WDR86: variants seen among roughly 807,000 people sequenced by gnomAD.
WDR86 encodes WD repeat domain 86, also known as WD repeat-containing protein 86.
WDR86 carries 30 observed loss-of-function variants against 36.5 expected under a neutral mutation model. The ratio of observed to expected loss-of-function variants is 0.82; its 90% CI spans 0.61 to 1.11. WDR86 has a LOEUF of 1.11. Among genes scored for constraint, WDR86 ranks in the 50% most tolerant of loss-of-function variants. WDR86 has a pLI of 0.00. For missense variants in WDR86, 545 were observed against 561.2 expected (o/e 0.97, Z 0.29); for synonymous variants, 255 against 252.9 (o/e 1.01, Z -0.08).
intron 1 of WDR86, among the ~76,000 whole-genome samples, 157 bp from the exon 2 acceptor site, chr7:151,400,398 T>G (rs568906667): frequency 6.6e-6 from 1 of 152,244 alleles, no homozygotes; most frequent in Non-Finnish European, 1.5e-5. Flanking sequence ...GTTTTGTTTT[T>G]TTGAGACAGA....
chr7:151,402,091 A>ATCTC (rs1554425409), intron 1 of WDR86, among the ~76,000 whole-genome samples: 48 of 124,162 alleles, frequency 3.9e-4, no homozygotes, highest in African/African-American at 1.2e-3. Context: ...ATATATATAT[A>ATCTC]TCTCCACAAA....
At position 151,381,701 on chromosome 7, in the gene WDR86, G is replaced by A. The variant is rs148787983; in HGVS notation, c.1012C>T (p.Arg338Cys). The A allele has an allele frequency of 1.0e-3, 1,498 of 1,489,306 alleles. 1 individual carries two copies. The highest frequency in any genetic ancestry group is 1.3e-3 in the Non-Finnish European group (1,429 of 1,126,626). 92.3% of individuals were successfully genotyped at this position (1,489,306 alleles called of 1,614,324 possible). ...CGGAGCCCGCGCACGTCCCAGAGGC[G>A]CAGGGCGCCGTCGTGCGAGGCGGTG... is the stretch of plus-strand genomic sequence containing the variant. The part of the protein sequence containing the change: ...LYTASHDGAL[R>C]LWDVRGLRGA... Residue 338 changes from arginine (R) to cysteine (C), a missense_variant, in exon 6 of 6, where the codon CGC becomes TGC. Arg to Cys is a radical substitution (Grantham distance 180, BLOSUM62 -3). Transcript: ENST00000334493. The surrounding 1 kb of genome is among the most constrained non-coding windows in gnomAD (Gnocchi z 4.8).
intron 1 of WDR86, among the ~76,000 whole-genome samples, chr7:151,402,058 AAAAAAAAAAAAAAT>A (rs1800347038): frequency 2.5e-5 from 2 of 80,882 alleles, no homozygotes; most frequent in African/African-American, 6.0e-5. Context: ...AAAAAAAAAA[AAAAAAAAAAAAAAT>A]ATATATATAT....
At chr7:151,376,493 A>G (rs1305064537), downstream of WDR86, 1 of 809,564 alleles carries the variant, frequency 1.2e-6, no homozygotes, top group African/African-American at 1.7e-5. Flanking sequence ...ATTGCACAGA[A>G]GCATGACTTG....
chr7:151,402,070 A>AAAAATATATATAT, intron 1 of WDR86, among the ~76,000 whole-genome samples: 51 of 50,508 alleles, frequency 1.0e-3, no homozygotes, highest in Non-Finnish European at 1.3e-3. Context: ...AAAAAAAAAA[A>AAAAATATATATAT]ATATATATAT....
intron 3 of WDR86, among the ~76,000 whole-genome samples, chr7:151,389,837 A>G (rs1048736434): frequency 1.3e-5 from 2 of 152,238 alleles, no homozygotes; most frequent in Admixed American, 1.3e-4. Flanking sequence ...TGCCGAGAGC[A>G]GAGAAAAGCA....
the WDR86 span, among the ~76,000 whole-genome samples, chr7:151,369,686 A>C: frequency 6.6e-6 from 1 of 152,226 alleles, no homozygotes; most frequent in South Asian, 2.1e-4. Flanking sequence ...GTCATGGTGG[A>C]ATATTAGCAG....
chr7:151,376,352 G>T (rs1020916422), downstream of WDR86: 13 of 491,366 alleles, frequency 2.6e-5, no homozygotes, highest in Non-Finnish European at 4.4e-5. Flanking sequence ...CACTGACCTC[G>T]CGGTGCTCGT....
downstream of WDR86, chr7:151,376,583 G>A: frequency 6.6e-7 from 1 of 1,517,540 alleles, no homozygotes; most frequent in Non-Finnish European, 8.9e-7. Context: ...TGACGGGGGT[G>A]GCAGAAGAGG....
chr7:151,396,790 C>A (rs572075950), intron 2 of WDR86, among the ~76,000 whole-genome samples: 3 of 152,170 alleles, frequency 2.0e-5, no homozygotes, highest in Non-Finnish European at 4.4e-5. Flanking sequence ...CCAGGGGTCA[C>A]GCTACAGCCA....
downstream of WDR86, among the ~76,000 whole-genome samples, chr7:151,380,529 C>T (rs1201326876): frequency 1.3e-5 from 2 of 152,158 alleles, no homozygotes; most frequent in Non-Finnish European, 2.9e-5. Flanking sequence ...TCCTGGCACC[C>T]GGGCCAACCG....
At chr7:151,377,088 GC>G, downstream of WDR86, 1 of 1,578,708 alleles carries the variant, frequency 6.3e-7, no homozygotes, top group Non-Finnish European at 8.6e-7. Flanking sequence ...GGAGACAGAG[GC>G]CGTCAATGAG....
downstream of WDR86, among the ~76,000 whole-genome samples, chr7:151,371,992 G>C (rs1022288433): frequency 2.0e-5 from 3 of 152,194 alleles, no homozygotes; most frequent in Admixed American, 2.0e-4. Flanking sequence ...ACAGGTGTGA[G>C]CCACTGCACC....
At chr7:151,408,402 T>C (rs1407420067) in intron 1 of WDR86, among the ~76,000 whole-genome samples, 2 of 152,034 alleles carry the variant, frequency 1.3e-5, no homozygotes, top group Non-Finnish European at 2.9e-5. Flanking sequence ...TTCATCATGT[T>C]GGCCAGGCTG....
At position 151,406,147 on chromosome 7, in the gene WDR86, G is replaced by A. The variant is rs948969975; in HGVS notation, c.163+3280C>T. On this transcript the variant is annotated intron_variant, in intron 1 of 5. Coordinates refer to ENST00000334493, the MANE Select transcript of WDR86 (RefSeq NM_198285.3). The surrounding 1 kb of genome is among the most constrained non-coding windows in gnomAD (Gnocchi z 4.4). ...CCAACCGCATTTGAAAGGCAATTCC[G>A]TGTATGAACAAGTGAATGCACCCAC... Among the ~76,000 whole-genome samples the A allele has an allele frequency of 2.0e-5, 3 of 152,166 alleles. No individual in the cohort carries two copies. The highest frequency in any genetic ancestry group is 4.4e-5 in the Non-Finnish European group (3 of 68,040).
downstream of WDR86, chr7:151,374,309 A>T: frequency 6.6e-7 from 1 of 1,522,024 alleles, no homozygotes. Flanking sequence ...AGCTCCCTCC[A>T]TGGCTCTCCA....
intron 3 of WDR86, among the ~76,000 whole-genome samples, chr7:151,392,232 G>A (rs555298514): frequency 2.0e-5 from 3 of 152,092 alleles, no homozygotes; most frequent in Admixed American, 6.5e-5. Flanking sequence ...CCAGGCCTGG[G>A]TCATGTCCCT....
At chr7:151,391,313 T>C (rs1448427665) in intron 3 of WDR86, among the ~76,000 whole-genome samples, 1 of 152,220 alleles carries the variant, frequency 6.6e-6, no homozygotes, top group East Asian at 1.9e-4. Flanking sequence ...CCTGAATCTC[T>C]GTCAGGAAGC....
chr7:151,401,154 C>T lies in WDR86; in HGVS notation c.164-913G>A, dbSNP rs554605334. Among the ~76,000 whole-genome samples the T allele has an allele frequency of 3.3e-5, 5 of 152,352 alleles. No individual in the cohort carries two copies. The South Asian group carries it at 1.0e-3, about 32-fold the overall frequency. On this transcript the variant is annotated intron_variant, in intron 1 of 5. Transcript: ENST00000334493. The surrounding 1 kb of genome is among the most constrained non-coding windows in gnomAD (Gnocchi z 4.3). ...GCCGGTCTTTGCTCTCTCATCCTCA[C>T]AGGCAGCCTACCCTGACTCCCCTCT...
Sources: allele counts gnomAD v4.1 joint callset (sites outside exome capture counted in the v4.1 genomes callset), GRCh38; gene constraint gnomAD v4.1.1; non-coding constraint Gnocchi (gnomAD v3.1); transcripts MANE v1.5; gene names NCBI Gene and HGNC (gene_info 2026-07-23, HGNC 2026-07-21).